MCCC1: variants seen among roughly 807,000 people sequenced by gnomAD.
MCCC1 encodes the protein methylcrotonyl-CoA carboxylase subunit 1.
MCCC1 carries 64 observed loss-of-function variants against 83.8 expected under a neutral mutation model. The ratio of observed to expected loss-of-function variants is 0.76; its 90% CI spans 0.62 to 0.94. The LOEUF (loss-of-function observed/expected upper bound fraction) is 0.94. Ranked by LOEUF, MCCC1 falls within the 40% of genes least tolerant of loss-of-function variation. The pLI, the probability that MCCC1 is intolerant of heterozygous loss-of-function variation, is 0.00. For synonymous variants in MCCC1, 322 were observed against 315.4 expected (o/e 1.02, Z -0.22); for missense variants, 807 against 904.7 (o/e 0.89, Z 1.39).
Position 183,047,723 on chromosome 3 carries a change from C to T in MCCC1, c.956-2183G>A, listed in dbSNP as rs562260178. Among the ~76,000 whole-genome samples, 9 of 149,332 alleles carry T rather than the reference C, an allele frequency of 6.0e-5. No individual in the cohort carries two copies. The East Asian group carries it at 1.2e-3, about 19-fold the overall frequency. On this transcript the variant is annotated intron_variant, in intron 9 of 18. Coordinates refer to ENST00000265594, the MANE Select transcript of MCCC1 (RefSeq NM_020166.5). ...GCATGCTTTGATGGGCTCATTAGTA[C>T]GTTGGGTATGGCAGGGAAAGAACCT...
chr3:183,021,575 C>T (rs1010114261), intron 16 of MCCC1, among the ~76,000 whole-genome samples: 1 of 152,088 alleles, frequency 6.6e-6, no homozygotes, highest in Non-Finnish European at 1.5e-5. Context: ...GAGCTAAAGC[C>T]CAGAGAGTTT....
chr3:183,091,114 A>T, intron 3 of MCCC1: 1 of 447,010 alleles, frequency 2.2e-6, no homozygotes, highest in Non-Finnish European at 4.5e-6. Context: ...AGAGTGAGAA[A>T]AACAGTGGCT....
Position 183,047,347 on chromosome 3 carries a change from C to G in MCCC1, c.956-1807G>C, listed in dbSNP as rs1714632075. On this transcript the variant is annotated intron_variant, in intron 9 of 18. Coordinates refer to ENST00000265594, the MANE Select transcript of MCCC1 (RefSeq NM_020166.5). Reference sequence around the variant, plus strand: ...GCAAGACTGAGATCTGATCATGGGACAAGAGAACATGCCCCCTCCAGCCTT... The same window carrying G: ...GCAAGACTGAGATCTGATCATGGGAGAAGAGAACATGCCCCCTCCAGCCTT... 4.6e-5 allele frequency among the ~76,000 whole-genome samples: 7 copies of G among 152,056 alleles called. No homozygotes were observed. In the South Asian group the frequency reaches 1.5e-3, roughly 32 times the overall value.
intron 3 of MCCC1, among the ~76,000 whole-genome samples, chr3:183,091,282 G>T (rs978145409): frequency 6.6e-6 from 1 of 152,046 alleles, no homozygotes; most frequent in African/African-American, 2.4e-5. Flanking sequence ...AAAAGCTAGT[G>T]ATAGGCTGGG....
chr3:183,063,594 T>C (rs1393227749), intron 7 of MCCC1, among the ~76,000 whole-genome samples: 1 of 152,086 alleles, frequency 6.6e-6, no homozygotes, highest in African/African-American at 2.4e-5. Context: ...CTCTATGGAG[T>C]AGCCATTCTT....
chr3:183,052,809 C>CA (rs71185624), intron 8 of MCCC1, among the ~76,000 whole-genome samples: 176 of 66,584 alleles, frequency 2.6e-3, no homozygotes, highest in East Asian at 0.015. Context: ...GACTTTGTCT[C>CA]AAAAAAAAAA....
At chr3:183,113,062 A>G (rs140828584) in intron 1 of MCCC1, among the ~76,000 whole-genome samples, 2 of 151,852 alleles carry the variant, frequency 1.3e-5, no homozygotes, top group East Asian at 3.9e-4. Flanking sequence ...CGTCTCTACT[A>G]AAAATACAAA....
intron 10 of MCCC1, among the ~76,000 whole-genome samples, chr3:183,044,385 AAC>A (rs1312780997): frequency 4.6e-5 from 7 of 152,236 alleles, no homozygotes; most frequent in Non-Finnish European, 1.5e-5. Context: ...ATAGTAAAAG[AAC>A]AGTTATAAAC....
Position 183,045,563 on chromosome 3 carries a change from C to A in MCCC1, c.956-23G>T. 2.5e-6 allele frequency: 4 copies of A among 1,612,460 alleles called. No individual in the cohort carries two copies. The South Asian group carries it at 4.4e-5, about 18-fold the overall frequency. On this transcript the variant is annotated intron_variant, in intron 9 of 18. Coordinates refer to ENST00000265594, the MANE Select transcript of MCCC1 (RefSeq NM_020166.5). Reference sequence around the variant, plus strand: ...TCCCTAAAAGGTAAAAAACAATGGTCATATTCAATAGTGTATAATCAGTAG... The same window carrying A: ...TCCCTAAAAGGTAAAAAACAATGGTAATATTCAATAGTGTATAATCAGTAG...
intron 4 of MCCC1, among the ~76,000 whole-genome samples, chr3:183,078,785 A>T (rs761515197): frequency 6.6e-6 from 1 of 152,242 alleles, no homozygotes; most frequent in Non-Finnish European, 1.5e-5. Flanking sequence ...GCTGATAAAG[A>T]CATATCCCAG....
intron 1 of MCCC1, among the ~76,000 whole-genome samples, chr3:183,115,002 G>A (rs1164211255): frequency 1.3e-5 from 2 of 151,928 alleles, no homozygotes; most frequent in Admixed American, 6.6e-5. Context: ...AAATGCTGCC[G>A]CCTGGCTTTG....
chr3:183,074,604 A>G (rs1716928164), intron 4 of MCCC1, among the ~76,000 whole-genome samples: 1 of 152,262 alleles, frequency 6.6e-6, no homozygotes, highest in Admixed American at 6.5e-5. Flanking sequence ...TCATACGAAT[A>G]GAAAAACCCA....
chr3:183,032,236 T>C (rs1352733766), intron 14 of MCCC1, among the ~76,000 whole-genome samples: 3 of 152,242 alleles, frequency 2.0e-5, no homozygotes, highest in African/African-American at 7.2e-5. Flanking sequence ...TGAAGAGCCA[T>C]GCCAAATAAC....
At chr3:183,025,528 GT>G (rs1712524303) in intron 15 of MCCC1, among the ~76,000 whole-genome samples, 1 of 152,272 alleles carries the variant, frequency 6.6e-6, no homozygotes, top group Admixed American at 6.5e-5. Context: ...TTTTTGCCAA[GT>G]TTTTATTCTT....
intron 14 of MCCC1, among the ~76,000 whole-genome samples, chr3:183,026,233 G>C (rs1046688683): frequency 2.6e-5 from 4 of 151,982 alleles, no homozygotes; most frequent in South Asian, 2.1e-4. Context: ...GTAGAGATGA[G>C]GTTTCACCAT....
At chr3:183,046,402 A>AT (rs10663232) in intron 9 of MCCC1, among the ~76,000 whole-genome samples, 7,347 of 148,616 alleles carry the variant, frequency 0.049, 490 homozygotes, top group African/African-American at 0.15. Context: ...TTTAAAATCA[A>AT]TTTTTTTTTT....
intron 1 of MCCC1, among the ~76,000 whole-genome samples, chr3:183,112,290 A>G (rs930038113): frequency 2.0e-5 from 3 of 152,218 alleles, no homozygotes; most frequent in African/African-American, 7.2e-5. Context: ...ATTTCACATA[A>G]CAAGGACAGA....
chr3:183,055,335 G>A (rs1433973118), intron 8 of MCCC1, among the ~76,000 whole-genome samples: 2 of 151,844 alleles, frequency 1.3e-5, no homozygotes, highest in Non-Finnish European at 2.9e-5. Flanking sequence ...GCTTAAACCC[G>A]CGAGGCGGAG....
intron 7 of MCCC1, among the ~76,000 whole-genome samples, chr3:183,061,925 G>A (rs1275740866): frequency 6.6e-6 from 1 of 152,140 alleles, no homozygotes; most frequent in Non-Finnish European, 1.5e-5. Flanking sequence ...GTGGTGGGAG[G>A]GACCCGGCGG....
Sources: gnomAD v4.1 joint callset for allele counts (sites outside exome capture counted in the v4.1 genomes callset) on GRCh38, gnomAD v4.1.1 for gene constraint, MANE v1.5 for transcripts, NCBI Gene and HGNC (gene_info 2026-07-23, HGNC 2026-07-21) for gene names.